Variants in SV2C observed in about 807,000 individuals in gnomAD.
SV2C encodes solute carrier family 22 member B3.
In SV2C, 49 loss-of-function variants were observed where a neutral mutation model predicts 79.7. The ratio of observed to expected loss-of-function variants is 0.61; its 90% confidence interval spans 0.49 to 0.78. The LOEUF (loss-of-function observed/expected upper bound fraction) is 0.78. Ranked by LOEUF, SV2C falls within the 30% of genes least tolerant of loss-of-function variation. The pLI, the probability that SV2C is intolerant of heterozygous loss-of-function variation, is 0.00. For missense variants in SV2C, 833 were observed against 912.9 expected (o/e 0.91, Z 1.13); for synonymous variants, 334 against 333.2 (o/e 1.00, Z -0.03).
the SV2C span, among the ~76,000 whole-genome samples, chr5:76,027,115 G>A: frequency 1.4e-5 from 2 of 141,362 alleles, no homozygotes; most frequent in Non-Finnish European, 3.0e-5. Context: ...AGGCTGGAGT[G>A]CAATGGCATG....
chr5:76,070,272 C>G, the SV2C span, among the ~76,000 whole-genome samples: 7 of 152,154 alleles, frequency 4.6e-5, no homozygotes, highest in African/African-American at 1.7e-4. Flanking sequence ...TCTAAAGAGC[C>G]TCATCAAGTG....
At chr5:76,287,569 T>C (rs1388207226) in intron 6 of SV2C, among the ~76,000 whole-genome samples, 1 of 152,074 alleles carries the variant, frequency 6.6e-6, no homozygotes, top group Non-Finnish European at 1.5e-5. Context: ...TTCCCCTCTC[T>C]CTGCAGCTAC....
chr5:76,313,180 C>T (rs1748512341), intron 12 of SV2C, among the ~76,000 whole-genome samples: 1 of 152,192 alleles, frequency 6.6e-6, no homozygotes, highest in Non-Finnish European at 1.5e-5. Flanking sequence ...ATGGCAATTT[C>T]ATTCATTCTT....
At chr5:75,878,035 C>A in the SV2C span, among the ~76,000 whole-genome samples, 2 of 151,244 alleles carry the variant, frequency 1.3e-5, no homozygotes, top group African/African-American at 4.9e-5. Flanking sequence ...ATAACAAAAA[C>A]CACTGAATGG....
At chr5:76,039,496 C>T in the SV2C span, among the ~76,000 whole-genome samples, 1 of 152,158 alleles carries the variant, frequency 6.6e-6, no homozygotes, top group East Asian at 1.9e-4. Context: ...TGGCTTACGC[C>T]TGTAATCCCA....
At chr5:75,878,378 T>G in the SV2C span, among the ~76,000 whole-genome samples, 1 of 152,202 alleles carries the variant, frequency 6.6e-6, no homozygotes, top group Admixed American at 6.5e-5. Flanking sequence ...CTGTTTCTTT[T>G]TCAGAATCTG....
intron 12 of SV2C, among the ~76,000 whole-genome samples, chr5:76,316,231 T>C (rs1256984628): frequency 2.0e-5 from 3 of 152,140 alleles, no homozygotes; most frequent in Admixed American, 2.0e-4. Context: ...GTCAGAAAGG[T>C]GGAGTGGATG....
chr5:76,073,205 G>A, the SV2C span, among the ~76,000 whole-genome samples: 1 of 151,992 alleles, frequency 6.6e-6, no homozygotes, highest in African/African-American at 2.4e-5. Context: ...TTATCTTCTA[G>A]AATTTGTATG....
At chr5:75,907,412 T>G in the SV2C span, among the ~76,000 whole-genome samples, 1 of 152,180 alleles carries the variant, frequency 6.6e-6, no homozygotes, top group Non-Finnish European at 1.5e-5. Context: ...GCCAGTAATG[T>G]GAACTTCACT....
At chr5:76,128,802 A>G (rs1374804404) in intron 1 of SV2C, among the ~76,000 whole-genome samples, 1 of 152,204 alleles carries the variant, frequency 6.6e-6, no homozygotes, top group Non-Finnish European at 1.5e-5. Context: ...AATCGATTCG[A>G]GAAACAAAAG....
intron 12 of SV2C, among the ~76,000 whole-genome samples, chr5:76,305,058 G>C (rs1748137789): frequency 6.6e-6 from 1 of 152,092 alleles, no homozygotes; most frequent in Non-Finnish European, 1.5e-5. Context: ...AAGAGCAGGA[G>C]CAAGAGAGCT....
At chr5:75,975,402 G>C in the SV2C span, among the ~76,000 whole-genome samples, 1 of 152,140 alleles carries the variant, frequency 6.6e-6, no homozygotes, top group Non-Finnish European at 1.5e-5. Flanking sequence ...GACCACATCT[G>C]TCAAAATCCT....
At chr5:75,989,914 T>C in the SV2C span, among the ~76,000 whole-genome samples, 1 of 151,830 alleles carries the variant, frequency 6.6e-6, no homozygotes, top group Admixed American at 6.6e-5. Context: ...TTTCATATGA[T>C]TATTGGCCAC....
At chr5:75,901,220 C>G in the SV2C span, among the ~76,000 whole-genome samples, 3 of 152,100 alleles carry the variant, frequency 2.0e-5, no homozygotes, top group Non-Finnish European at 2.9e-5. Flanking sequence ...GTGGTTTTAT[C>G]TACTTTTGGT....
chr5:76,193,510 G>A (rs1744169527), intron 2 of SV2C, among the ~76,000 whole-genome samples: 1 of 152,190 alleles, frequency 6.6e-6, no homozygotes, highest in African/African-American at 2.4e-5. Flanking sequence ...GGGCTCCCAA[G>A]TTGAGCTTAG....
chr5:76,306,292 G>A (rs1469455979), intron 12 of SV2C, among the ~76,000 whole-genome samples: 1 of 152,098 alleles, frequency 6.6e-6, no homozygotes, highest in African/African-American at 2.4e-5. Flanking sequence ...CTGGCCTCAA[G>A]CAATTCTTCT....
chr5:75,912,013 A>T, the SV2C span: 21 of 285,570 alleles, frequency 7.4e-5, no homozygotes, highest in Non-Finnish European at 9.8e-5. Context: ...AAGACCTGAC[A>T]TTAATGGAGG....
the SV2C span, among the ~76,000 whole-genome samples, chr5:76,024,334 G>T: frequency 6.6e-6 from 1 of 152,110 alleles, no homozygotes; most frequent in East Asian, 1.9e-4. Context: ...ATATATATTT[G>T]CTGGGCTGGT....
chr5:75,996,342 A>G, the SV2C span, among the ~76,000 whole-genome samples: 10 of 152,216 alleles, frequency 6.6e-5, no homozygotes, highest in Admixed American at 2.6e-4. Flanking sequence ...CCATTAGTCT[A>G]TATCTCTGTT....
Sources: allele counts gnomAD v4.1 joint callset (sites outside exome capture counted in the v4.1 genomes callset), GRCh38; gene constraint gnomAD v4.1.1; transcripts MANE v1.5; gene names NCBI Gene and HGNC (gene_info 2026-07-23, HGNC 2026-07-21).